The following SPIDR variants were observed in gnomAD, a reference collection of about 807,000 sequenced individuals.
SPIDR encodes the protein DNA repair-scaffolding protein.
In SPIDR, 93 loss-of-function variants were observed where a neutral mutation model predicts 104.6. That is an observed-to-expected ratio of 0.89 (90% CI 0.75 to 1.06). The LOEUF (loss-of-function observed/expected upper bound fraction) is 1.06, where lower values mean the gene tolerates loss of function less well. SPIDR is among the 50% of genes least tolerant of loss of function. SPIDR has a pLI of 0.00. For missense variants in SPIDR, 1,154 were observed against 1,111.2 expected (o/e 1.04, Z -0.55); for synonymous variants, 431 against 416.9 (o/e 1.03, Z -0.41).
chr8:47,609,874 A>G (rs968909158), intron 10 of SPIDR, among the ~76,000 whole-genome samples: 1 of 152,160 alleles, frequency 6.6e-6, no homozygotes, highest in African/African-American at 2.4e-5. Flanking sequence ...TTTTTCCTAT[A>G]TATTAAACCA....
chr8:47,612,791 T>A (rs2063765194), intron 10 of SPIDR, among the ~76,000 whole-genome samples: 1 of 152,152 alleles, frequency 6.6e-6, no homozygotes, highest in African/African-American at 2.4e-5. Flanking sequence ...AATATTGTGG[T>A]AAAAACAACA....
At chr8:47,436,633 G>C (rs2068376478) in intron 7 of SPIDR, among the ~76,000 whole-genome samples, 1 of 152,170 alleles carries the variant, frequency 6.6e-6, no homozygotes, top group Non-Finnish European at 1.5e-5. Context: ...GGCTGAGGTG[G>C]GAGGATCCCT....
At chr8:47,600,709 T>C (rs1017125138) in intron 10 of SPIDR, among the ~76,000 whole-genome samples, 3 of 152,222 alleles carry the variant, frequency 2.0e-5, no homozygotes, top group Non-Finnish European at 4.4e-5. Context: ...ACATAGGTTT[T>C]TGTTTTGTGT....
chr8:47,663,093 C>T (rs772153275), intron 10 of SPIDR, among the ~76,000 whole-genome samples: 15 of 152,218 alleles, frequency 9.9e-5, no homozygotes, highest in Non-Finnish European at 1.5e-4. Flanking sequence ...TTCTCAGCCA[C>T]GGAAAACCTC....
rs750106918 is a variant in SPIDR at position 47,701,802 on chromosome 8, G to A, written c.1855G>A (p.Glu619Lys). The change falls in exon 13 of 20, where the codon GAA (glutamate) becomes AAA (lysine). Residue 619 changes from glutamate (E) to lysine (K), a missense_variant. By Grantham distance (56) the Glu-to-Lys change is moderately conservative. Transcript: ENST00000297423. ...TCTGGGACAAATTGATATAATTGAC[G>A]AAGACCCCATTTATAAGCTTTACCA... The part of the protein sequence containing the change: ...PNLGQIDIID[E>K]DPIYKLYQPP... The A allele has an allele frequency of 1.1e-5, 18 of 1,613,908 alleles. No individual in the cohort carries two copies. Among genetic ancestry groups the A allele is most frequent in the East Asian group, 2.2e-5 (1 of 44,886 alleles).
At chr8:47,612,693 G>A (rs1174651840) in intron 10 of SPIDR, among the ~76,000 whole-genome samples, 1 of 152,214 alleles carries the variant, frequency 6.6e-6, no homozygotes, top group African/African-American at 2.4e-5. Flanking sequence ...CAACGATGAA[G>A]CCACATACCT....
intron 10 of SPIDR, among the ~76,000 whole-genome samples, chr8:47,637,959 A>G (rs986021818): frequency 6.6e-6 from 1 of 151,914 alleles, no homozygotes; most frequent in Non-Finnish European, 1.5e-5. Context: ...TTTTTTTTCA[A>G]TTATTTATAT....
intron 1 of SPIDR, among the ~76,000 whole-genome samples, chr8:47,264,698 C>T (rs1449478618): frequency 4.0e-5 from 6 of 151,416 alleles, no homozygotes; most frequent in Admixed American, 1.3e-4. Flanking sequence ...GGCCCGATCT[C>T]GGCTCACTGC....
intron 8 of SPIDR, among the ~76,000 whole-genome samples, chr8:47,568,039 G>A (rs906928777): frequency 8.6e-5 from 13 of 151,978 alleles, no homozygotes; most frequent in Admixed American, 8.5e-4. Context: ...GCCTCCCAGA[G>A]TTCTGGGATT....
rs1312401291 is a variant in SPIDR at position 47,673,790 on chromosome 8, GT to G, written c.1545-5del. ...GCCTCCTCAAAGACAAATGTGAATG[GT>G]TTTTTACAGAGCCTGCCTTCTGGTA... On this transcript the variant is annotated splice_polypyrimidine_tract_variant and intron_variant, in intron 10 of 19. Coordinates refer to ENST00000297423, the MANE Select transcript of SPIDR (RefSeq NM_001080394.4). The G allele has an allele frequency of 1.2e-6, 2 of 1,613,928 alleles. No individual in the cohort carries two copies. Among genetic ancestry groups the G allele is most frequent in the East Asian group, 4.5e-5 (2 of 44,886 alleles).
chr8:47,292,934 G>A (rs2040186038), intron 4 of SPIDR, among the ~76,000 whole-genome samples: 1 of 152,124 alleles, frequency 6.6e-6, no homozygotes, highest in East Asian at 1.9e-4. Flanking sequence ...TACCGGCAGC[G>A]GCTCTGAGGG....
rs1223195676 is a variant in SPIDR at position 47,293,767 on chromosome 8, T to C, written c.362-100T>C. ...CTGGCCCTAAATATATTTTTTAAAA[T>C]TATTGAGTGACATGGATATATTAAC... On this transcript the variant is annotated intron_variant, in intron 4 of 19. Coordinates refer to ENST00000297423, the MANE Select transcript of SPIDR (RefSeq NM_001080394.4). The C allele has an allele frequency of 3.2e-6, 4 of 1,269,282 alleles. No individual in the cohort carries two copies. The East Asian group carries it at 1.0e-4, about 33-fold the overall frequency. 78.6% of individuals were successfully genotyped at this position (1,269,282 alleles called of 1,614,324 possible). A position where few individuals can be genotyped will look rare whatever the true frequency, so the allele number is the denominator to read the frequency against.
intron 10 of SPIDR, among the ~76,000 whole-genome samples, chr8:47,642,377 C>T (rs939505877): frequency 4.0e-5 from 6 of 149,402 alleles, no homozygotes; most frequent in Admixed American, 6.7e-5. Context: ...GATCGTGCCA[C>T]TGCACTCCAG....
chr8:47,265,020 G>A (rs1554545526), intron 1 of SPIDR, among the ~76,000 whole-genome samples: 1 of 151,982 alleles, frequency 6.6e-6, no homozygotes, highest in Non-Finnish European at 1.5e-5. Context: ...ACAAGAAATA[G>A]GAAAAAGGCT....
intron 5 of SPIDR, among the ~76,000 whole-genome samples, chr8:47,322,560 C>G (rs1258759953): frequency 6.6e-6 from 1 of 152,116 alleles, no homozygotes; most frequent in Non-Finnish European, 1.5e-5. Context: ...ACTAGAAATA[C>G]CATTTGACCC....
intron 8 of SPIDR, among the ~76,000 whole-genome samples, chr8:47,478,434 A>C (rs781857827): frequency 1.2e-4 from 18 of 152,258 alleles, no homozygotes; most frequent in South Asian, 2.1e-4. Context: ...GAGACAGAAG[A>C]AGCAGGAAGG....
At chr8:47,550,975 T>A (rs999167910) in intron 8 of SPIDR, among the ~76,000 whole-genome samples, 5 of 152,230 alleles carry the variant, frequency 3.3e-5, no homozygotes, top group Admixed American at 6.5e-5. Flanking sequence ...GTTTTTAGCA[T>A]GAAGCGTTGT....
chr8:47,295,784 C>T (rs1359901766), intron 5 of SPIDR, among the ~76,000 whole-genome samples: 2 of 152,096 alleles, frequency 1.3e-5, no homozygotes, highest in African/African-American at 4.8e-5. Context: ...TTTTAGCATA[C>T]TGATTTCAAT....
chr8:47,328,844 T>C (rs2048153687), intron 5 of SPIDR, among the ~76,000 whole-genome samples: 2 of 152,160 alleles, frequency 1.3e-5, no homozygotes, highest in Admixed American at 1.3e-4. Flanking sequence ...CTTTCCTCAT[T>C]TCTTTTACTT....
Sources: gnomAD v4.1 joint callset for allele counts (sites outside exome capture counted in the v4.1 genomes callset) on GRCh38, gnomAD v4.1.1 for gene constraint, MANE v1.5 for transcripts, NCBI Gene and HGNC (gene_info 2026-07-23, HGNC 2026-07-21) for gene names.